The following AEBP2 variants were observed in gnomAD, a reference collection of about 807,000 sequenced individuals.
AEBP2 encodes zinc finger protein AEBP2.
In AEBP2, 10 loss-of-function variants were observed where a neutral mutation model predicts 50.8. The ratio of observed to expected loss-of-function variants is 0.20; its 90% CI spans 0.12 to 0.33. The LOEUF (loss-of-function observed/expected upper bound fraction) is 0.33. AEBP2 is among the 10% of genes least tolerant of loss of function. AEBP2 has a pLI of 1.00. For missense variants in AEBP2, 570 were observed against 688.0 expected, an observed-to-expected ratio of 0.83 and a Z score of 1.92; for synonymous variants, 296 against 261.3, an observed-to-expected ratio of 1.13 and a Z score of -1.28.
intron 2 of AEBP2, among the ~76,000 whole-genome samples, chr12:19,467,442 C>T (rs983358458): frequency 2.0e-5 from 3 of 151,988 alleles, no homozygotes; most frequent in South Asian, 2.1e-4. Flanking sequence ...TACAGGTGTG[C>T]GCCACCACAC....
chr12:19,495,009 C>G (rs1948951182), intron 4 of AEBP2, among the ~76,000 whole-genome samples: 2 of 152,010 alleles, frequency 1.3e-5, no homozygotes. Context: ...CGGGTTCAAG[C>G]AGTTCTCTGT....
chr12:19,505,843 A>G (rs1949149332), intron 5 of AEBP2, among the ~76,000 whole-genome samples: 1 of 151,940 alleles, frequency 6.6e-6, no homozygotes, highest in Non-Finnish European at 1.5e-5. Flanking sequence ...TGGTATCATC[A>G]TGGCTCACTG....
chr12:19,488,585 A>G (rs984850265), intron 3 of AEBP2, among the ~76,000 whole-genome samples: 3 of 151,994 alleles, frequency 2.0e-5, no homozygotes, highest in Non-Finnish European at 2.9e-5. Flanking sequence ...TCGCCTCCTC[A>G]TTATTTGTAA....
At chr12:19,475,861 G>A (rs1263911509) in intron 3 of AEBP2, among the ~76,000 whole-genome samples, 1 of 151,978 alleles carries the variant, frequency 6.6e-6, no homozygotes, top group Admixed American at 6.6e-5. Context: ...CCCACTTTTC[G>A]ATGGGATTAT....
intron 1 of AEBP2, among the ~76,000 whole-genome samples, chr12:19,425,864 G>C (rs2095748265): frequency 6.6e-6 from 1 of 151,638 alleles, no homozygotes; most frequent in Non-Finnish European, 1.5e-5. Flanking sequence ...ATGTTTGCAT[G>C]AACAGCAAAT....
chr12:19,470,088 C>T (rs548520443), intron 2 of AEBP2, among the ~76,000 whole-genome samples: 7 of 152,104 alleles, frequency 4.6e-5, no homozygotes, highest in South Asian at 2.1e-4. Flanking sequence ...TTTATCAAAA[C>T]GTCGTCCTAA....
At chr12:19,457,263 T>G in intron 1 of AEBP2, 1 of 1,590,596 alleles carries the variant, frequency 6.3e-7, no homozygotes, top group Non-Finnish European at 8.5e-7. Flanking sequence ...AGATACCAGC[T>G]TCAAATTCAC....
At position 19,510,348 on chromosome 12, in the gene AEBP2, T is replaced by C. The variant is rs551909555; in HGVS notation, c.1300-2050T>C. Reference sequence around the variant, plus strand: ...TGGACTAGAGACTTTTCACCCATTATTGGAGTTGTGGGGGAGGGGCAACGC... The same window carrying C: ...TGGACTAGAGACTTTTCACCCATTACTGGAGTTGTGGGGGAGGGGCAACGC... On this transcript the variant is annotated intron_variant, in intron 5 of 7. Transcript: ENST00000266508. Among the ~76,000 whole-genome samples, 18 of 152,258 alleles carry C rather than the reference T, an allele frequency of 1.2e-4. No homozygotes were observed. In the East Asian group the frequency reaches 3.3e-3, roughly 28 times the overall value.
At chr12:19,492,515 C>G (rs1170617970) in intron 3 of AEBP2, among the ~76,000 whole-genome samples, 1 of 151,530 alleles carries the variant, frequency 6.6e-6, no homozygotes, top group East Asian at 1.9e-4. Flanking sequence ...CATGTCTTTT[C>G]TAAGAGAGAG....
chr12:19,470,145 T>C (rs1948547885), intron 2 of AEBP2, among the ~76,000 whole-genome samples: 1 of 151,418 alleles, frequency 6.6e-6, no homozygotes, highest in African/African-American at 2.4e-5. Context: ...TTGTGTATTT[T>C]TGTGGATCTT....
intron 1 of AEBP2, among the ~76,000 whole-genome samples, chr12:19,423,200 C>T (rs1333271334): frequency 6.6e-6 from 1 of 150,816 alleles, no homozygotes; most frequent in Non-Finnish European, 1.5e-5. Flanking sequence ...ATAGTAGACA[C>T]TCAATATATG....
At chr12:19,466,635 CT>C (rs1327937207) in intron 2 of AEBP2, 1 of 200,152 alleles carries the variant, frequency 5.0e-6, no homozygotes, top group Non-Finnish European at 8.9e-6. Flanking sequence ...CACAGTTCTA[CT>C]TTCTATCTCT....
chr12:19,405,543 C>T (rs1374915756), intron 1 of AEBP2, among the ~76,000 whole-genome samples: 2 of 151,652 alleles, frequency 1.3e-5, no homozygotes, highest in Non-Finnish European at 2.9e-5. Flanking sequence ...TCAGGATGGT[C>T]TCCATCTCTT....
intron 5 of AEBP2, among the ~76,000 whole-genome samples, chr12:19,502,652 CTT>C (rs373049492): frequency 3.0e-4 from 43 of 142,918 alleles, no homozygotes; most frequent in Middle Eastern, 3.8e-3. Context: ...TTTGTCTATT[CTT>C]TTTTTTTTTT....
At chr12:19,412,970 G>T (rs1046915465) in intron 1 of AEBP2, among the ~76,000 whole-genome samples, 2 of 152,204 alleles carry the variant, frequency 1.3e-5, no homozygotes, top group African/African-American at 4.8e-5. Flanking sequence ...CAGGAGGCTC[G>T]CGGCAGGGGC....
chr12:19,450,449 A>G (rs948213122), intron 1 of AEBP2, among the ~76,000 whole-genome samples: 8 of 149,920 alleles, frequency 5.3e-5, no homozygotes, highest in Non-Finnish European at 1.5e-5. Flanking sequence ...TAGATGTTAA[A>G]TATCTCTTTT....
intron 1 of AEBP2, among the ~76,000 whole-genome samples, chr12:19,452,565 T>C (rs529985836): frequency 1.3e-5 from 2 of 152,296 alleles, no homozygotes; most frequent in South Asian, 2.1e-4. Flanking sequence ...GTTTTAACTT[T>C]TAATCCCTTT....
At chr12:19,513,741 G>A (rs917393416) in intron 6 of AEBP2, among the ~76,000 whole-genome samples, 1 of 152,124 alleles carries the variant, frequency 6.6e-6, no homozygotes, top group Admixed American at 6.5e-5. Context: ...TCAAGCTTGG[G>A]TGACAGAGTG....
intron 3 of AEBP2, among the ~76,000 whole-genome samples, chr12:19,476,280 T>C (rs1948649019): frequency 6.6e-6 from 1 of 152,214 alleles, no homozygotes; most frequent in Non-Finnish European, 1.5e-5. Flanking sequence ...CTTCTACATG[T>C]GGCTTGGCAG....
Sources: allele counts gnomAD v4.1 joint callset (sites outside exome capture counted in the v4.1 genomes callset), GRCh38; gene constraint gnomAD v4.1.1; transcripts MANE v1.5; gene names NCBI Gene and HGNC (gene_info 2026-07-23, HGNC 2026-07-21).